Variants in SORCS2 observed in about 807,000 individuals in gnomAD.
The protein encoded by SORCS2 is sortilin related VPS10 domain containing receptor 2, also known as VPS10 domain-containing receptor SorCS2.
Under a neutral mutation model 141.6 loss-of-function variants are expected in SORCS2, and 100 were observed. The observed-to-expected ratio is 0.71, with a 90% CI of 0.60 to 0.83. SORCS2 has a LOEUF of 0.83. Among genes scored for constraint, SORCS2 ranks in the 40% least tolerant of loss-of-function variants. The pLI is 0.00. For synonymous variants in SORCS2, 789 were observed against 676.9 expected (o/e 1.17, Z -2.57); for missense variants, 1,646 against 1,560.2 (o/e 1.05, Z -0.93).
chr4:7,589,171 A>G lies in SORCS2; in HGVS notation c.649-49157A>G, dbSNP rs1716739031. Among the ~76,000 whole-genome samples the G allele has an allele frequency of 3.9e-5, 6 of 152,312 alleles. No homozygotes were observed. The South Asian group carries it at 8.3e-4, about 21-fold the overall frequency. ...CAAGAGTTTGGCGTTTCCTGGTAGAAGCCTGCAAAGTCTATCTGGGAGGCC... is the reference window on the plus strand; with the variant it reads ...CAAGAGTTTGGCGTTTCCTGGTAGAGGCCTGCAAAGTCTATCTGGGAGGCC... On this transcript the variant is annotated intron_variant, in intron 3 of 26. Transcript: ENST00000507866.
chr4:7,266,784 T>C (rs1025889588), intron 1 of SORCS2, among the ~76,000 whole-genome samples: 1 of 152,236 alleles, frequency 6.6e-6, no homozygotes, highest in African/African-American at 2.4e-5. Context: ...GCTAAGACTC[T>C]GGCCACGTTC....
Position 7,661,530 on chromosome 4 carries a change from C to T in SORCS2, c.918C>T (p.Asp306=), listed in dbSNP as rs564507038. ...TGTCTGGGGTGGACGCTGACCCTGA[C>T]TTGGTCCACGTGGAAGCCCAAGACC... ...WSVSGVDADP[D]LVHVEAQDLG... The change falls in exon 6 of 27, where the codon GAC becomes GAT. Residue 306 remains aspartate, a synonymous_variant. Coordinates refer to ENST00000507866, the MANE Select transcript of SORCS2 (RefSeq NM_020777.3). 528 of 1,551,970 alleles carry T rather than the reference C, an allele frequency of 3.4e-4. 5 individuals are homozygous for T. The East Asian group carries it at 0.012, about 34-fold the overall frequency.
chr4:7,324,424 C>A (rs1381801179), intron 1 of SORCS2, among the ~76,000 whole-genome samples: 1 of 152,210 alleles, frequency 6.6e-6, no homozygotes, highest in South Asian at 2.1e-4. Context: ...AACTGGGCAA[C>A]AGGCCGGGGA....
chr4:7,272,069 G>A lies in SORCS2; in HGVS notation c.480+78943G>A, dbSNP rs1342628147. Among the ~76,000 whole-genome samples, 4 of 152,318 alleles carry A rather than the reference G, an allele frequency of 2.6e-5. No homozygotes were observed. In the East Asian group the frequency reaches 7.7e-4, roughly 29 times the overall value. ...GGTAACGTGGATGGGGTTTCCAATG[G>A]GAGGTGCTTTTGAGGACTCGTGAGA... On this transcript the variant is annotated intron_variant, in intron 1 of 26. Transcript: ENST00000507866.
At chr4:7,211,354 C>T (rs1452423044) in intron 1 of SORCS2, among the ~76,000 whole-genome samples, 1 of 152,036 alleles carries the variant, frequency 6.6e-6, no homozygotes, top group Non-Finnish European at 1.5e-5. Context: ...GACGGTCACT[C>T]CCTGACATTT....
intron 8 of SORCS2, among the ~76,000 whole-genome samples, chr4:7,671,213 C>A (rs1478751261): frequency 1.3e-5 from 2 of 152,084 alleles, no homozygotes; most frequent in African/African-American, 2.4e-5. Context: ...GGAAAGGGGA[C>A]AAGCTAATTT....
intron 2 of SORCS2, among the ~76,000 whole-genome samples, chr4:7,425,049 G>A (rs1726331736): frequency 6.6e-6 from 1 of 152,200 alleles, no homozygotes; most frequent in African/African-American, 2.4e-5. Context: ...CAGGATGTTG[G>A]TGCAGTTCCG....
chr4:7,306,224 C>G (rs1289247043), intron 1 of SORCS2, among the ~76,000 whole-genome samples: 1 of 152,194 alleles, frequency 6.6e-6, no homozygotes, highest in African/African-American at 2.4e-5. Flanking sequence ...GCCCGGGCTC[C>G]CCTCCAGAGC....
chr4:7,730,711 G>A (rs753733272), intron 23 of SORCS2, among the ~76,000 whole-genome samples: 1 of 152,210 alleles, frequency 6.6e-6, no homozygotes, highest in Non-Finnish European at 1.5e-5. Flanking sequence ...AGAAATAGAT[G>A]AGTTGTTGCC....
intron 4 of SORCS2, among the ~76,000 whole-genome samples, chr4:7,641,318 A>G (rs1278538702): frequency 6.6e-6 from 1 of 152,222 alleles, no homozygotes; most frequent in African/African-American, 2.4e-5. Flanking sequence ...GGAAGCAGGC[A>G]TCATCTTCAC....
intron 3 of SORCS2, among the ~76,000 whole-genome samples, chr4:7,563,197 A>G (rs1714729355): frequency 6.6e-6 from 1 of 152,136 alleles, no homozygotes; most frequent in Non-Finnish European, 1.5e-5. Flanking sequence ...CACACCAGGC[A>G]TGCCCAGATG....
intron 4 of SORCS2, among the ~76,000 whole-genome samples, chr4:7,643,381 AGGCAGAACCCTG>A (rs1720864409): frequency 6.6e-6 from 1 of 152,174 alleles, no homozygotes. Context: ...CTGCTTGCTG[AGGCAGAACCCTG>A]GGCACTTACT....
Position 7,606,221 on chromosome 4 carries a change from A to AT in SORCS2, c.649-32105dup, listed in dbSNP as rs371043196. ...TTTGAAGGTGAGCTACAGGAGAGTTATTGCAGTGAGGAGCTCCTGTAAATA... is the reference window on the plus strand; with the variant it reads ...TTTGAAGGTGAGCTACAGGAGAGTTATTTGCAGTGAGGAGCTCCTGTAAATA... On this transcript the variant is annotated intron_variant, in intron 3 of 26. Coordinates refer to ENST00000507866, the MANE Select transcript of SORCS2 (RefSeq NM_020777.3). Among the ~76,000 whole-genome samples the AT allele has an allele frequency of 2.5e-3, 382 of 152,334 alleles. 2 individuals carry two copies. Among genetic ancestry groups the AT allele is most frequent in the African/African-American group, 8.8e-3 (366 of 41,576 alleles).
At chr4:7,320,956 A>G (rs1005357504) in intron 1 of SORCS2, among the ~76,000 whole-genome samples, 1 of 149,180 alleles carries the variant, frequency 6.7e-6, no homozygotes, top group Non-Finnish European at 1.5e-5. Context: ...TAAAATTTCA[A>G]TAGCTTTTGG....
intron 1 of SORCS2, among the ~76,000 whole-genome samples, chr4:7,338,307 G>C (rs1162253728): frequency 7.3e-5 from 11 of 151,538 alleles, no homozygotes; most frequent in Non-Finnish European, 1.2e-4. Context: ...TGGATGGATG[G>C]ATGGATGTCG....
At chr4:7,316,923 G>A (rs1718596993) in intron 1 of SORCS2, among the ~76,000 whole-genome samples, 1 of 152,124 alleles carries the variant, frequency 6.6e-6, no homozygotes, top group Non-Finnish European at 1.5e-5. Flanking sequence ...GTCTCTTGTG[G>A]CTTCTGGTTT....
chr4:7,380,397 G>C (rs967194531), intron 1 of SORCS2, among the ~76,000 whole-genome samples: 2 of 152,254 alleles, frequency 1.3e-5, no homozygotes, highest in African/African-American at 4.8e-5. Context: ...GCACTGGACA[G>C]GTAGCGAGCT....
chr4:7,570,509 T>G (rs937791552), intron 3 of SORCS2, among the ~76,000 whole-genome samples: 1 of 152,216 alleles, frequency 6.6e-6, no homozygotes, highest in Non-Finnish European at 1.5e-5. Context: ...CCCATCTGCA[T>G]GTCACTGTTT....
intron 3 of SORCS2, among the ~76,000 whole-genome samples, chr4:7,602,249 C>G (rs1336568336): frequency 6.7e-6 from 1 of 149,080 alleles, no homozygotes; most frequent in South Asian, 2.1e-4. Flanking sequence ...GGTGGCCAGG[C>G]AGAGGCGCCC....
Sources: allele counts gnomAD v4.1 joint callset (sites outside exome capture counted in the v4.1 genomes callset), GRCh38; gene constraint gnomAD v4.1.1; transcripts MANE v1.5; gene names NCBI Gene and HGNC (gene_info 2026-07-23, HGNC 2026-07-21).